KIF18B: variants seen among roughly 807,000 people sequenced by gnomAD.
The protein encoded by KIF18B is kinesin-like protein KIF18B.
A neutral mutation model predicts 80.9 loss-of-function variants in KIF18B; 49 were observed. The observed-to-expected ratio is 0.61, with a 90% CI of 0.48 to 0.77. The LOEUF (loss-of-function observed/expected upper bound fraction) is 0.77. KIF18B is among the 30% of genes least tolerant of loss of function. The pLI is 0.00. For missense variants in KIF18B, 994 were observed against 1,127.7 expected, an observed-to-expected ratio of 0.88 and a Z score of 1.70; for synonymous variants, 439 against 463.9, an observed-to-expected ratio of 0.95 and a Z score of 0.69.
Position 44,936,189 on chromosome 17 carries a change from C to T in KIF18B, c.156G>A (p.Leu52=). Residue 52 remains leucine (L), a synonymous_variant, in exon 2 of 16, where the codon CTG becomes CTA. Transcript: ENST00000593135. The part of the protein sequence containing the change: ...PEEPDGGFPG[L]KWGGTHDGPK... The stretch of plus-strand genomic sequence containing the variant: ...GGCCATCATGGGTGCCACCCCATTT[C>T]AGGCCAGGGAACCCTCCATCGGGCT... 1 of 1,612,742 alleles carries T rather than the reference C, an allele frequency of 6.2e-7. No individual in the cohort carries two copies. Among genetic ancestry groups the T allele is most frequent in the Non-Finnish European group, 8.5e-7 (1 of 1,179,476 alleles).
At chr17:44,941,843 C>A (rs2052426496) in intron 1 of KIF18B, among the ~76,000 whole-genome samples, 1 of 152,164 alleles carries the variant, frequency 6.6e-6, no homozygotes, top group South Asian at 2.1e-4. Context: ...TTAAAAAGGG[C>A]ACTGGCAAAG....
chr17:44,944,868 C>T (rs1311706886), intron 1 of KIF18B, among the ~76,000 whole-genome samples: 1 of 152,136 alleles, frequency 6.6e-6, no homozygotes, highest in Non-Finnish European at 1.5e-5. Flanking sequence ...TGTTCCATTG[C>T]CGTTTCTCTT....
rs918183393 is a variant in KIF18B, at chr17:44,928,381, T to C, written c.1921A>G (p.Met641Val). The change falls in exon 13 of 16, where the codon ATG becomes GTG. Residue 641 changes from methionine to valine, a missense_variant. Coordinates refer to ENST00000593135, the MANE Select transcript of KIF18B (RefSeq NM_001265577.2). ...CGCTTGGTGCCCCGCTTTGGGGCCA[T>C]GGGACTGTCTGCCTCCAAGGCGCTT... ...RPSALEADSP[M>V]APKRGTKRQR... The C allele has an allele frequency of 7.6e-6, 12 of 1,577,700 alleles. No homozygotes were observed. The African/African-American group carries it at 1.2e-4, about 16-fold the overall frequency.
At chr17:44,945,546 G>A (rs1003026217) in intron 1 of KIF18B, among the ~76,000 whole-genome samples, 4 of 151,836 alleles carry the variant, frequency 2.6e-5, no homozygotes, top group Admixed American at 6.6e-5. Flanking sequence ...TTTTATAATC[G>A]CTTCATGTTA....
chr17:44,931,967 G>T, intron 10 of KIF18B, 89 bp downstream of exon 10: 1 of 1,405,234 alleles, frequency 7.1e-7, no homozygotes, highest in South Asian at 1.4e-5. Context: ...GGGACTAAAG[G>T]GACTCTGAGT....
intron 12 of KIF18B, 92 bp from the exon 13 acceptor site, chr17:44,928,670 C>G: frequency 2.2e-6 from 3 of 1,387,692 alleles, no homozygotes; most frequent in Non-Finnish European, 2.9e-6. Flanking sequence ...CCTGGGGCCT[C>G]TCTGTGTGCA....
chr17:44,946,725 A>G (rs1393191719), intron 1 of KIF18B, among the ~76,000 whole-genome samples: 6 of 152,192 alleles, frequency 3.9e-5, no homozygotes, highest in African/African-American at 1.2e-4. Flanking sequence ...ATGTCACTTC[A>G]GTTCCCTAAA....
chr17:44,945,127 A>G (rs1336828944), intron 1 of KIF18B, among the ~76,000 whole-genome samples: 2 of 152,220 alleles, frequency 1.3e-5, no homozygotes, highest in African/African-American at 4.8e-5. Flanking sequence ...TGGCGCGATC[A>G]TGGGTCACTG....
chr17:44,928,584 C>G lies in KIF18B; in HGVS notation c.1724-6G>C. 6.9e-7 allele frequency: 1 copy of G among 1,447,868 alleles called. No individual in the cohort carries two copies. Among genetic ancestry groups the G allele is most frequent in the South Asian group, 1.5e-5 (1 of 68,208 alleles). The allele number at this position is 1,447,868 out of a possible 1,614,324, so 89.7% of individuals were successfully genotyped here. On this transcript the variant is annotated splice_polypyrimidine_tract_variant and splice_region_variant and intron_variant, in intron 12 of 15. Transcript: ENST00000593135. ...GAGAGGAGACGGCACAGGGACTGCA[C>G]AGAAGGAAGGAGAGTTTGTAGAACT...
chr17:44,926,492 CTGAGGAACTGAG>C lies in KIF18B; in HGVS notation c.2367-5_2373del. The C allele has an allele frequency of 6.3e-7, 1 of 1,583,672 alleles. No individual in the cohort carries two copies. The highest frequency in any genetic ancestry group is 8.6e-7 in the Non-Finnish European group (1 of 1,167,100). ...GCGATGCGGCTGCGGCCATGGGAGA[CTGAGGAACTGAG>C]GGAGGAAAGGAGGGAAGGTGGAAGG... On this transcript the variant is annotated splice_acceptor_variant and splice_polypyrimidine_tract_variant and coding_sequence_variant and intron_variant, in exon 15 of 16. Transcript: ENST00000593135. LOFTEE classifies it high-confidence loss of function.
At chr17:44,942,002 C>A (rs986946676) in intron 1 of KIF18B, among the ~76,000 whole-genome samples, 1 of 151,940 alleles carries the variant, frequency 6.6e-6, no homozygotes, top group Non-Finnish European at 1.5e-5. Flanking sequence ...GCATAGCCGC[C>A]GCTAGGATGC....
chr17:44,940,888 G>T (rs896423579), intron 1 of KIF18B, among the ~76,000 whole-genome samples: 1 of 152,150 alleles, frequency 6.6e-6, no homozygotes, highest in South Asian at 2.1e-4. Context: ...ACAAGAAAAA[G>T]ATATCAACCA....
intron 1 of KIF18B, among the ~76,000 whole-genome samples, chr17:44,941,484 G>A (rs1476581600): frequency 2.6e-5 from 4 of 151,990 alleles, no homozygotes; most frequent in Admixed American, 1.3e-4. Context: ...GATTACAGGC[G>A]CCCACCATTA....
Position 44,928,014 on chromosome 17 carries a change from T to C in KIF18B, c.2276+12A>G. ...ACTGACAGGAGGGGTGGAGCGAGAC[T>C]GGGAGACCCACCTGGGGATGAAGGG... On this transcript the variant is annotated intron_variant, in intron 13 of 15. Transcript: ENST00000593135. The C allele has an allele frequency of 6.6e-7, 1 of 1,513,120 alleles. No individual in the cohort carries two copies. The highest frequency in any genetic ancestry group is 8.8e-7 in the Non-Finnish European group (1 of 1,131,426). 93.7% of individuals were successfully genotyped at this position (1,513,120 alleles called of 1,614,324 possible). A position where few individuals can be genotyped will look rare whatever the true frequency, so the allele number is the denominator to read the frequency against.
chr17:44,930,794 A>C (rs2052129289), intron 11 of KIF18B, among the ~76,000 whole-genome samples: 1 of 152,230 alleles, frequency 6.6e-6, no homozygotes, highest in South Asian at 2.1e-4. Flanking sequence ...CTGGGAGATC[A>C]GGGGGATGTC....
intron 2 of KIF18B, among the ~76,000 whole-genome samples, chr17:44,935,782 A>G (rs961908296): frequency 6.6e-6 from 1 of 152,122 alleles, no homozygotes; most frequent in Non-Finnish European, 1.5e-5. Flanking sequence ...TCTAGACTGT[A>G]AGCACCAAGT....
At position 44,928,985 on chromosome 17, in the gene KIF18B, G is replaced by A; in HGVS notation, c.1557C>T (p.Tyr519=). The change falls in exon 12 of 16, where the codon TAC becomes TAT. Residue 519 remains tyrosine (Y), a synonymous_variant. Coordinates refer to ENST00000593135, the MANE Select transcript of KIF18B (RefSeq NM_001265577.2). ...LKVLCVAQRQ[Y]SLLQAANLLT... The stretch of plus-strand genomic sequence containing the variant: ...GGAGGTTGGCTGCTTGGAGCAGGGA[G>A]TACTGCCGCTGGGCAACGCACAGCA... The A allele has an allele frequency of 1.9e-6, 3 of 1,614,040 alleles. No individual in the cohort carries two copies. The highest frequency in any genetic ancestry group is 1.1e-5 in the South Asian group (1 of 91,088).
In KIF18B at chr17:44,936,056, A is replaced by T; in HGVS notation, c.289T>A (p.Phe97Ile). 1.2e-6 allele frequency: 2 copies of T among 1,613,724 alleles called. No homozygotes were observed. The highest frequency in any genetic ancestry group is 1.7e-6 in the Non-Finnish European group (2 of 1,179,852). ...QHTTHSVLDS[F>I]LQGYNCSVFA... ...CCTGAGCAGTTGTAGCCCTGGAGGA[A>T]GCTGTCCAGGACGCTGTGCGTGGTG... The change falls in exon 2 of 16, where the codon TTC (phenylalanine) becomes ATC (isoleucine). Residue 97 changes from phenylalanine to isoleucine, a missense_variant. Phe to Ile is a conservative substitution (Grantham distance 21). Transcript: ENST00000593135.
chr17:44,936,395 C>T (rs771508149), intron 1 of KIF18B, 37 bp from the exon 2 acceptor site: 1 of 1,543,160 alleles, frequency 6.5e-7, no homozygotes, highest in East Asian at 2.4e-5. Context: ...ACCAATCCCA[C>T]CCCAGGCCTG....
Sources: allele counts gnomAD v4.1 joint callset (sites outside exome capture counted in the v4.1 genomes callset), GRCh38; gene constraint gnomAD v4.1.1; transcripts MANE v1.5; gene names NCBI Gene and HGNC (gene_info 2026-07-23, HGNC 2026-07-21).